The following PTK2B variants were observed in gnomAD, a reference collection of about 807,000 sequenced individuals.
PTK2B encodes the protein protein tyrosine kinase 2 beta, also known as protein-tyrosine kinase 2-beta.
PTK2B carries 71 observed loss-of-function variants against 142.9 expected under a neutral mutation model. That is an observed-to-expected ratio of 0.50 (90% CI 0.41 to 0.61). PTK2B has a LOEUF of 0.61. Among genes scored for constraint, PTK2B ranks in the 20% least tolerant of loss-of-function variants. PTK2B has a pLI of 0.00. For missense variants in PTK2B, 1,105 were observed against 1,320.4 expected (o/e 0.84, Z 2.53); for synonymous variants, 519 against 503.4 (o/e 1.03, Z -0.42).
rs1431076107 is a variant in PTK2B at position 27,445,849 on chromosome 8, C to T, written c.2270C>T (p.Pro757Leu). ...ACGCTCACCAGCCCTATGGAGTATC[C>T]ATCTCCCGTTAACTCACTGCACACC... ...SPTLTSPMEY[P>L]SPVNSLHTPP... The change falls in exon 24 of 31, where the codon CCA becomes CTA. Residue 757 changes from proline to leucine, a missense_variant. By Grantham distance (98) the Pro-to-Leu change is moderately conservative. Coordinates refer to ENST00000346049, the MANE Select transcript of PTK2B (RefSeq NM_173176.3). The T allele has an allele frequency of 1.2e-6, 2 of 1,613,966 alleles. No homozygotes were observed. The highest frequency in any genetic ancestry group is 1.7e-6 in the Non-Finnish European group (2 of 1,180,038).
intron 1 of PTK2B, among the ~76,000 whole-genome samples, 191 bp downstream of exon 1, chr8:27,325,872 C>T (rs1032380395): frequency 6.6e-6 from 1 of 152,272 alleles, no homozygotes; most frequent in Middle Eastern, 3.4e-3. Flanking sequence ...CAGCCTTCCG[C>T]GGGGAAGAGG....
At chr8:27,372,942 A>G (rs927549342) in intron 1 of PTK2B, among the ~76,000 whole-genome samples, 3 of 152,254 alleles carry the variant, frequency 2.0e-5, no homozygotes, top group South Asian at 2.1e-4. Flanking sequence ...TCCAAAGTCT[A>G]TGTGGCCACT....
At chr8:27,333,782 C>T (rs1803896567) in intron 1 of PTK2B, among the ~76,000 whole-genome samples, 1 of 152,110 alleles carries the variant, frequency 6.6e-6, no homozygotes. Context: ...CAGGAATATG[C>T]ACTTAGATCC....
chr8:27,357,701 A>G (rs951789568), intron 1 of PTK2B, among the ~76,000 whole-genome samples: 8 of 152,260 alleles, frequency 5.3e-5, no homozygotes, highest in Non-Finnish European at 2.9e-5. Flanking sequence ...AGATAAAGAT[A>G]TAGATAGCCA....
chr8:27,415,151 C>T (rs1374236203), intron 2 of PTK2B, among the ~76,000 whole-genome samples: 1 of 152,038 alleles, frequency 6.6e-6, no homozygotes, highest in Non-Finnish European at 1.5e-5. Context: ...TAATTTAATC[C>T]TCATAAAAGC....
chr8:27,430,614 G>A (rs541766394), intron 7 of PTK2B, among the ~76,000 whole-genome samples, 196 bp downstream of exon 7: 22 of 152,274 alleles, frequency 1.4e-4, no homozygotes, highest in African/African-American at 5.1e-4. Flanking sequence ...CTGGGCTCCG[G>A]CTCCGTATCG....
upstream of PTK2B, among the ~76,000 whole-genome samples, chr8:27,320,825 T>C (rs1410432382): frequency 2.0e-5 from 3 of 152,044 alleles, no homozygotes; most frequent in Non-Finnish European, 4.4e-5. Context: ...CAACTCAACC[T>C]TCAGCCCCTT....
intron 1 of PTK2B, among the ~76,000 whole-genome samples, chr8:27,352,383 A>G (rs918744734): frequency 6.6e-6 from 1 of 152,242 alleles, no homozygotes; most frequent in African/African-American, 2.4e-5. Context: ...AAACAAAAGC[A>G]AAAGACAGGA....
At chr8:27,394,756 T>C (rs544371151) in intron 1 of PTK2B, among the ~76,000 whole-genome samples, 1 of 152,398 alleles carries the variant, frequency 6.6e-6, no homozygotes, top group Non-Finnish European at 1.5e-5. Flanking sequence ...ACATGTGCAT[T>C]GTACAACTGT....
At chr8:27,443,176 T>C (rs1368388088) in intron 22 of PTK2B, among the ~76,000 whole-genome samples, 193 bp downstream of exon 22, 3 of 152,234 alleles carry the variant, frequency 2.0e-5, no homozygotes, top group Admixed American at 2.0e-4. Context: ...AGCAGCCACC[T>C]TGTGGGATAG....
chr8:27,450,405 A>T (rs1379593583), intron 24 of PTK2B, among the ~76,000 whole-genome samples: 1 of 152,214 alleles, frequency 6.6e-6, no homozygotes, highest in African/African-American at 2.4e-5. Flanking sequence ...TTTTCTTTTT[A>T]AAATATATTA....
At chr8:27,365,278 C>T (rs999357209) in intron 1 of PTK2B, among the ~76,000 whole-genome samples, 3 of 152,242 alleles carry the variant, frequency 2.0e-5, no homozygotes, top group African/African-American at 4.8e-5. Context: ...TCACTACTTA[C>T]TCCTTTTGTA....
At chr8:27,445,090 T>C (rs1490659358) in intron 23 of PTK2B, among the ~76,000 whole-genome samples, 3 of 151,320 alleles carry the variant, frequency 2.0e-5, no homozygotes, top group African/African-American at 4.9e-5. Flanking sequence ...AAACAGGGAG[T>C]TAGGTAGGGT....
At chr8:27,335,805 T>C (rs967188887) in intron 1 of PTK2B, among the ~76,000 whole-genome samples, 3 of 152,168 alleles carry the variant, frequency 2.0e-5, no homozygotes, top group African/African-American at 7.2e-5. Flanking sequence ...TCAAGCCTCC[T>C]GTTTTTTATT....
intron 2 of PTK2B, among the ~76,000 whole-genome samples, chr8:27,406,215 A>G (rs997130956): frequency 6.6e-6 from 1 of 152,144 alleles, no homozygotes; most frequent in Non-Finnish European, 1.5e-5. Flanking sequence ...AAGGATGCTT[A>G]TCATTGGATT....
At chr8:27,355,316 A>G (rs1485241734) in intron 1 of PTK2B, among the ~76,000 whole-genome samples, 2 of 152,300 alleles carry the variant, frequency 1.3e-5, no homozygotes, top group East Asian at 1.9e-4. Context: ...GAAGTCAGAA[A>G]GAGGGAGGGA....
chr8:27,379,562 A>G (rs1806885257), intron 1 of PTK2B, among the ~76,000 whole-genome samples: 1 of 152,088 alleles, frequency 6.6e-6, no homozygotes, highest in African/African-American at 2.4e-5. Context: ...GTTTTCCTTC[A>G]GTGTACAACT....
chr8:27,438,869 C>T (rs1290071689), intron 18 of PTK2B, among the ~76,000 whole-genome samples, 162 bp from the exon 19 acceptor site: 2 of 152,166 alleles, frequency 1.3e-5, no homozygotes, highest in Non-Finnish European at 2.9e-5. Context: ...CAAGACCACT[C>T]GATGGGGGCA....
intron 1 of PTK2B, among the ~76,000 whole-genome samples, chr8:27,385,373 C>G (rs1254639272): frequency 6.6e-6 from 1 of 152,198 alleles, no homozygotes; most frequent in Non-Finnish European, 1.5e-5. Context: ...ACACTCTGGG[C>G]TCTTGGAGAA....
Sources: allele counts gnomAD v4.1 joint callset (sites outside exome capture counted in the v4.1 genomes callset), GRCh38; gene constraint gnomAD v4.1.1; transcripts MANE v1.5; gene names NCBI Gene and HGNC (gene_info 2026-07-23, HGNC 2026-07-21).